The following IMMP2L variants were observed in gnomAD, a reference collection of about 807,000 sequenced individuals.
IMMP2L encodes the protein inner mitochondrial membrane peptidase subunit 2.
In IMMP2L, 18 loss-of-function variants were observed where a neutral mutation model predicts 19.3. That is an observed-to-expected ratio of 0.93 (90% CI 0.64 to 1.38). The LOEUF (loss-of-function observed/expected upper bound fraction) is 1.38, where lower values mean the gene tolerates loss of function less well. IMMP2L is among the 40% of genes most tolerant of loss of function. IMMP2L has a pLI of 0.00. For missense variants in IMMP2L, 233 were observed against 218.2 expected (o/e 1.07, Z -0.43); for synonymous variants, 76 against 73.0 (o/e 1.04, Z -0.21).
At chr7:111,263,903 G>T (rs1042326071) in intron 3 of IMMP2L, among the ~76,000 whole-genome samples, 2 of 152,122 alleles carry the variant, frequency 1.3e-5, no homozygotes, top group African/African-American at 4.8e-5. Context: ...ATTAAAATTT[G>T]TCCATTGGAT....
Position 110,758,786 on chromosome 7 carries a change from G to A in IMMP2L, c.409-95065C>T, listed in dbSNP as rs868097714. On this transcript the variant is annotated intron_variant, in intron 5 of 5. Coordinates refer to ENST00000405709, the MANE Select transcript of IMMP2L (RefSeq NM_032549.4). The surrounding 1 kb of genome is among the most constrained non-coding windows in gnomAD (Gnocchi z 4.6). ...CTTAGTTTGCCTTTAATTATAAAAC[G>A]TAGTAACTACTGGTCATTGCAGTGC... is the stretch of plus-strand genomic sequence containing the variant. Among the ~76,000 whole-genome samples, 17 of 152,086 alleles carry A rather than the reference G, an allele frequency of 1.1e-4. No individual in the cohort carries two copies. The Middle Eastern group carries it at 0.01, about 91-fold the overall frequency.
At chr7:111,282,679 G>A (rs895010186) in intron 3 of IMMP2L, among the ~76,000 whole-genome samples, 1 of 151,930 alleles carries the variant, frequency 6.6e-6, no homozygotes, top group African/African-American at 2.4e-5. Flanking sequence ...AACCTCCCAG[G>A]CTCAGGCAAT....
intron 3 of IMMP2L, among the ~76,000 whole-genome samples, chr7:111,374,203 T>C (rs1280352220): frequency 2.0e-5 from 3 of 152,084 alleles, no homozygotes; most frequent in Non-Finnish European, 4.4e-5. Flanking sequence ...AAATGCATAC[T>C]GAATAATGTA....
rs567815412 is a variant in IMMP2L, at chr7:111,455,584, TAA to T, written c.239+31652_239+31653del. 4.5e-3 allele frequency among the ~76,000 whole-genome samples: 676 copies of T among 148,918 alleles called. 1 individual carries two copies. The highest frequency in any genetic ancestry group is 0.016 in the African/African-American group (642 of 40,726). ...TCCAAAGCACCATCATTATATGATA[TAA>T]GTTTACTATTTATATATCCCTAGAA... On this transcript the variant is annotated intron_variant, in intron 3 of 5. Coordinates refer to ENST00000405709, the MANE Select transcript of IMMP2L (RefSeq NM_032549.4).
At chr7:110,735,687 C>A (rs1796580316) in intron 5 of IMMP2L, among the ~76,000 whole-genome samples, 1 of 76,146 alleles carries the variant, frequency 1.3e-5, no homozygotes, top group African/African-American at 3.8e-5. Context: ...CAAATACACA[C>A]ACACACACAC....
chr7:110,685,460 G>A lies in IMMP2L; in HGVS notation c.409-21739C>T, dbSNP rs114866852. 5.2e-3 allele frequency among the ~76,000 whole-genome samples: 794 copies of A among 152,240 alleles called. 8 individuals carry two copies. The highest frequency in any genetic ancestry group is 0.018 in the African/African-American group (760 of 41,546). On this transcript the variant is annotated intron_variant, in intron 5 of 5. Transcript: ENST00000405709. ...AGAAAGTCAGGTACAGATTAAGCCT[G>A]ATGTACTGCACAACAATAATAACAA... is the stretch of plus-strand genomic sequence containing the variant.
chr7:111,342,976 A>G (rs1275428567), intron 3 of IMMP2L, among the ~76,000 whole-genome samples: 3 of 152,132 alleles, frequency 2.0e-5, no homozygotes, highest in Admixed American at 2.0e-4. Flanking sequence ...AACAGAATAA[A>G]GTAGCAATAA....
chr7:111,050,656 G>A lies in IMMP2L; in HGVS notation c.240-87091C>T, dbSNP rs75834190. 5.3e-3 allele frequency among the ~76,000 whole-genome samples: 807 copies of A among 152,230 alleles called. 6 individuals carry two copies. Among genetic ancestry groups the A allele is most frequent in the Non-Finnish European group, 7.4e-3 (506 of 68,008 alleles). On this transcript the variant is annotated intron_variant, in intron 3 of 5. Transcript: ENST00000405709. ...TGGATTTTAGTAGTTTAAAGTCTCC[G>A]TTTCGGGGTGACTCAATGCAACTCT...
rs142840058 is a variant in IMMP2L, at chr7:111,530,476, T to A, written c.-2-9027A>T. On this transcript the variant is annotated intron_variant, in intron 1 of 5. Transcript: ENST00000405709. ...TCATGCTGTTCTAAGATTTGACCAGTTAGGGGCAATCATATGTACTGATAT... is the reference window on the plus strand; with the variant it reads ...TCATGCTGTTCTAAGATTTGACCAGATAGGGGCAATCATATGTACTGATAT... 9.6e-3 allele frequency among the ~76,000 whole-genome samples: 1,463 copies of A among 152,246 alleles called. 41 individuals are homozygous for A. Among genetic ancestry groups the A allele is most frequent in the Admixed American group, 0.047 (721 of 15,290 alleles).
At chr7:110,963,128 G>T in intron 4 of IMMP2L, 3 of 1,482,870 alleles carry the variant, frequency 2.0e-6, no homozygotes, top group Non-Finnish European at 2.7e-6. Flanking sequence ...TTCTGCATTT[G>T]CTTCTAAAAT....
chr7:111,060,784 G>C (rs1248645980), intron 3 of IMMP2L, among the ~76,000 whole-genome samples: 1 of 152,102 alleles, frequency 6.6e-6, no homozygotes, highest in Non-Finnish European at 1.5e-5. Flanking sequence ...TTAAAAATAA[G>C]CTGCTTGGGA....
intron 5 of IMMP2L, among the ~76,000 whole-genome samples, chr7:110,742,248 A>T (rs1797034398): frequency 6.6e-6 from 1 of 152,330 alleles, no homozygotes; most frequent in East Asian, 1.9e-4. Context: ...TTATAGCAAC[A>T]TTTCTGAAAA....
chr7:110,873,202 G>A (rs1269474517), intron 5 of IMMP2L, among the ~76,000 whole-genome samples: 3 of 151,972 alleles, frequency 2.0e-5, no homozygotes, highest in African/African-American at 7.3e-5. Flanking sequence ...GATCACTTGA[G>A]GAAGGCCAGG....
intron 3 of IMMP2L, among the ~76,000 whole-genome samples, chr7:111,287,737 A>G (rs1486726531): frequency 1.3e-5 from 2 of 152,164 alleles, no homozygotes; most frequent in African/African-American, 2.4e-5. Flanking sequence ...AAAAATGTAT[A>G]TAAGTCTAAT....
Position 110,870,971 on chromosome 7 carries a change from T to C in IMMP2L, c.408+15622A>G, listed in dbSNP as rs1350097320. Reference sequence around the variant, plus strand: ...TGAAGAGGGGAAGCATGCAGCCCAGTTAGGAGGCCCCTGATGACCTGAATC... The same window carrying C: ...TGAAGAGGGGAAGCATGCAGCCCAGCTAGGAGGCCCCTGATGACCTGAATC... On this transcript the variant is annotated intron_variant, in intron 5 of 5. Transcript: ENST00000405709. The surrounding 1 kb of genome is among the most constrained non-coding windows in gnomAD (Gnocchi z 4.2). Among the ~76,000 whole-genome samples the C allele has an allele frequency of 6.6e-6, 1 of 151,798 alleles. No individual in the cohort carries two copies. Among genetic ancestry groups the C allele is most frequent in the Non-Finnish European group, 1.5e-5 (1 of 67,922 alleles).
intron 5 of IMMP2L, among the ~76,000 whole-genome samples, chr7:110,720,914 T>G (rs1795524042): frequency 6.6e-6 from 1 of 152,256 alleles, no homozygotes; most frequent in Non-Finnish European, 1.5e-5. Context: ...TACCTCTGGA[T>G]TGATAGCAAC....
chr7:111,316,361 GA>G (rs1350177129), intron 3 of IMMP2L, among the ~76,000 whole-genome samples: 1 of 151,784 alleles, frequency 6.6e-6, no homozygotes, highest in Admixed American at 6.6e-5. Context: ...AACAAAAGTC[GA>G]AAAAAGGGCC....
At chr7:110,917,527 G>C (rs1248483221) in intron 4 of IMMP2L, among the ~76,000 whole-genome samples, 1 of 152,084 alleles carries the variant, frequency 6.6e-6, no homozygotes, top group East Asian at 1.9e-4. Context: ...CATATTTGTT[G>C]ATGAAGAAAC....
At chr7:111,341,441 A>G (rs570520924) in intron 3 of IMMP2L, among the ~76,000 whole-genome samples, 29 of 152,280 alleles carry the variant, frequency 1.9e-4, no homozygotes, top group African/African-American at 7.0e-4. Context: ...AGTTACATAC[A>G]TATGAATTTG....
Sources: allele counts gnomAD v4.1 joint callset (sites outside exome capture counted in the v4.1 genomes callset), GRCh38; gene constraint gnomAD v4.1.1; non-coding constraint Gnocchi (gnomAD v3.1); transcripts MANE v1.5; gene names NCBI Gene and HGNC (gene_info 2026-07-23, HGNC 2026-07-21).